The following STRN3 variants were observed in gnomAD, a reference collection of about 807,000 sequenced individuals.
STRN3 encodes striatin-3.
Under a neutral mutation model 95.6 loss-of-function variants are expected in STRN3, and 29 were observed. That is an observed-to-expected ratio of 0.30 (90% CI 0.23 to 0.41). STRN3 has a LOEUF of 0.41. Ranked by LOEUF, STRN3 falls within the 10% of genes least tolerant of loss-of-function variation. The probability of loss-of-function intolerance (pLI) is 1.00; values close to 1 mark genes in which losing one functional copy is unlikely to be tolerated. For synonymous variants in STRN3, 331 were observed against 357.6 expected (o/e 0.93, Z 0.84); for missense variants, 890 against 972.1 (o/e 0.92, Z 1.12).
intron 1 of STRN3, among the ~76,000 whole-genome samples, chr14:31,023,832 CAAA>C (rs4011677): frequency 7.0e-6 from 1 of 143,456 alleles, no homozygotes; most frequent in South Asian, 2.1e-4. Flanking sequence ...ATATATAACT[CAAA>C]AAAAAAAAAA....
chr14:30,989,453 A>T (rs1033281954), intron 1 of STRN3, among the ~76,000 whole-genome samples: 5 of 152,036 alleles, frequency 3.3e-5, no homozygotes, highest in Non-Finnish European at 7.4e-5. Context: ...ATTTAAACAC[A>T]GGATTTTTAT....
Position 30,965,043 on chromosome 14 carries a change from T to C in STRN3, c.283-8801A>G, listed in dbSNP as rs114973043. 2.6e-3 allele frequency among the ~76,000 whole-genome samples: 390 copies of C among 152,260 alleles called. 1 individual carries two copies. The highest frequency in any genetic ancestry group is 9.1e-3 in the African/African-American group (377 of 41,550). On this transcript the variant is annotated intron_variant, in intron 1 of 17. Coordinates refer to ENST00000357479, the MANE Select transcript of STRN3 (RefSeq NM_001083893.2). ...AGGTTAAGTGTTCACACAGAAAACA[T>C]GTTATTTGATGGAATTCAGACGATA... is the stretch of plus-strand genomic sequence containing the variant.
intron 1 of STRN3, among the ~76,000 whole-genome samples, chr14:30,972,323 A>C (rs556145608): frequency 6.6e-6 from 1 of 152,192 alleles, no homozygotes; most frequent in South Asian, 2.1e-4. Flanking sequence ...TAAATTAGCC[A>C]ATCGGAATTA....
chr14:30,991,800 A>T (rs1448958008), intron 1 of STRN3, among the ~76,000 whole-genome samples: 2 of 152,090 alleles, frequency 1.3e-5, no homozygotes, highest in Non-Finnish European at 2.9e-5. Flanking sequence ...AAAAGACCTT[A>T]TCAGAAAATG....
chr14:30,956,367 A>G, intron 1 of STRN3, 125 bp from the exon 2 acceptor site: 1 of 907,978 alleles, frequency 1.1e-6, no homozygotes, highest in Non-Finnish European at 1.7e-6. Flanking sequence ...TAAATTCATA[A>G]AAACGGGCCA....
chr14:30,902,920 T>C (rs1896363561), intron 15 of STRN3, among the ~76,000 whole-genome samples: 1 of 152,152 alleles, frequency 6.6e-6, no homozygotes, highest in Non-Finnish European at 1.5e-5. Context: ...TTAGAATTTT[T>C]AAAAGATCCA....
At chr14:30,953,696 C>T (rs1309396617) in intron 3 of STRN3, among the ~76,000 whole-genome samples, 1 of 152,114 alleles carries the variant, frequency 6.6e-6, no homozygotes, top group Non-Finnish European at 1.5e-5. Context: ...GTGGTGTGAA[C>T]AAAATTCACT....
At chr14:30,980,031 C>T (rs915065444) in intron 1 of STRN3, among the ~76,000 whole-genome samples, 4 of 151,786 alleles carry the variant, frequency 2.6e-5, no homozygotes, top group African/African-American at 7.2e-5. Context: ...GGGCGGATCA[C>T]GAGGTCAGGG....
At chr14:30,977,666 G>A (rs1166574120) in intron 1 of STRN3, among the ~76,000 whole-genome samples, 6 of 151,070 alleles carry the variant, frequency 4.0e-5, no homozygotes, top group East Asian at 2.0e-4. Flanking sequence ...GGTGGTGGGC[G>A]CCTGTAATCC....
chr14:30,979,475 C>A lies in STRN3; in HGVS notation c.283-23233G>T, dbSNP rs1180025897. 2.0e-5 allele frequency among the ~76,000 whole-genome samples: 3 copies of A among 152,250 alleles called. No homozygotes were observed. The East Asian group carries it at 5.8e-4, about 29-fold the overall frequency. ...TCAGGCAAAAATTAATTTTTATAAA[C>A]TTGTTTCCATATACAATTTCAGTTG... On this transcript the variant is annotated intron_variant, in intron 1 of 17. Transcript: ENST00000357479.
Position 30,918,446 on chromosome 14 carries a change from T to C in STRN3, c.1240+520A>G, listed in dbSNP as rs564286176. On this transcript the variant is annotated intron_variant, in intron 9 of 17. Coordinates refer to ENST00000357479, the MANE Select transcript of STRN3 (RefSeq NM_001083893.2). ...CTCGCTTGACCCCAGGAGGCGGAGG[T>C]TGCAGTGAGCCGAGATCATGCCACT... 3.3e-5 allele frequency among the ~76,000 whole-genome samples: 5 copies of C among 151,420 alleles called. No homozygotes were observed. In the East Asian group the frequency reaches 5.9e-4, roughly 18 times the overall value.
intron 1 of STRN3, among the ~76,000 whole-genome samples, chr14:30,976,872 C>T (rs531225661): frequency 6.6e-6 from 1 of 152,216 alleles, no homozygotes; most frequent in South Asian, 2.1e-4. Flanking sequence ...GGGAGATTAC[C>T]TGAGCTCAGG....
chr14:30,947,009 C>T (rs1280226990), intron 5 of STRN3, 81 bp downstream of exon 5: 3 of 973,480 alleles, frequency 3.1e-6, no homozygotes, highest in African/African-American at 3.4e-5. Flanking sequence ...TTCTTAATGG[C>T]AGTAACAAGG....
At chr14:30,967,671 C>T (rs1880600787) in intron 1 of STRN3, among the ~76,000 whole-genome samples, 1 of 152,192 alleles carries the variant, frequency 6.6e-6, no homozygotes. Flanking sequence ...TTAGAGGAAA[C>T]CCCATTGTGA....
chr14:30,918,550 C>T (rs1231225132), intron 9 of STRN3, among the ~76,000 whole-genome samples: 2 of 151,966 alleles, frequency 1.3e-5, no homozygotes, highest in Non-Finnish European at 2.9e-5. Flanking sequence ...AAGCACAATG[C>T]CTGGCACCAT....
rs200580815 is a variant in STRN3 at position 30,895,537 on chromosome 14, T to A, written c.2268A>T (p.Thr756=). Reference sequence around the variant, plus strand: ...TGTGAGCTGTTATTTCTTGCACACATGTCTTGCTGTCTAAATTCCATAATC... The same window carrying A: ...TGTGAGCTGTTATTTCTTGCACACAAGTCTTGCTGTCTAAATTCCATAATC... ...SIRLWNLDSK[T]CVQEITAHRK... The change falls in exon 18 of 18, where the codon ACA becomes ACT. Residue 756 remains threonine (T), a synonymous_variant. Coordinates refer to ENST00000357479, the MANE Select transcript of STRN3 (RefSeq NM_001083893.2). 3 of 1,614,102 alleles carry A rather than the reference T, an allele frequency of 1.9e-6. No homozygotes were observed. Among genetic ancestry groups the A allele is most frequent in the East Asian group, 4.5e-5 (2 of 44,882 alleles).
intron 5 of STRN3, 26 bp from the exon 6 acceptor site, chr14:30,936,650 C>A: frequency 6.3e-7 from 1 of 1,591,908 alleles, no homozygotes; most frequent in Non-Finnish European, 8.5e-7. Context: ...AAAGATAAAT[C>A]CAACTATTCC....
chr14:30,935,867 T>C (rs1878790826), intron 6 of STRN3, among the ~76,000 whole-genome samples: 1 of 152,176 alleles, frequency 6.6e-6, no homozygotes, highest in African/African-American at 2.4e-5. Flanking sequence ...AACACTGTCA[T>C]TTTTTTCTTA....
At chr14:30,929,933 T>C (rs1233325731) in intron 7 of STRN3, among the ~76,000 whole-genome samples, 3 of 62,292 alleles carry the variant, frequency 4.8e-5, no homozygotes, top group African/African-American at 2.0e-4. Flanking sequence ...CCTTCTTCCA[T>C]TGGTCTACAA....
Sources: gnomAD v4.1 joint callset for allele counts (sites outside exome capture counted in the v4.1 genomes callset) on GRCh38, gnomAD v4.1.1 for gene constraint, MANE v1.5 for transcripts, NCBI Gene and HGNC (gene_info 2026-07-23, HGNC 2026-07-21) for gene names.